SCLT1: variants seen among roughly 807,000 people sequenced by gnomAD.
The protein encoded by SCLT1 is sodium channel and clathrin linker 1, also known as sodium channel-associated protein 1.
In SCLT1, 78 loss-of-function variants were observed where a neutral mutation model predicts 112.8. The observed-to-expected ratio is 0.69, with a 90% CI of 0.58 to 0.83. The LOEUF (loss-of-function observed/expected upper bound fraction) is 0.83, where lower values mean the gene tolerates loss of function less well. SCLT1 is among the 40% of genes least tolerant of loss of function. The pLI is 0.00. For synonymous variants in SCLT1, 257 were observed against 254.7 expected (o/e 1.01, Z -0.09); for missense variants, 747 against 770.4 (o/e 0.97, Z 0.36).
chr4:129,081,016 G>A lies in SCLT1; in HGVS notation c.102+1290C>T, dbSNP rs183501054. On this transcript the variant is annotated intron_variant, in intron 2 of 20. Transcript: ENST00000281142. ...TGCCCCGAGAGCATAACAGCTCAGCGGCATTCCACAGGTTGCCCAGGGAGA... is the reference window on the plus strand; with the variant it reads ...TGCCCCGAGAGCATAACAGCTCAGCAGCATTCCACAGGTTGCCCAGGGAGA... 2.1e-3 allele frequency among the ~76,000 whole-genome samples: 319 copies of A among 152,148 alleles called. 1 individual carries two copies. The highest frequency in any genetic ancestry group is 7.0e-3 in the African/African-American group (292 of 41,500).
chr4:129,031,545 T>C (rs909725915), intron 5 of SCLT1, among the ~76,000 whole-genome samples: 1 of 152,134 alleles, frequency 6.6e-6, no homozygotes, highest in African/African-American at 2.4e-5. Flanking sequence ...TGCAACATGA[T>C]TGTATATTTA....
chr4:129,002,144 A>G (rs1473871624), intron 6 of SCLT1, among the ~76,000 whole-genome samples: 1 of 152,048 alleles, frequency 6.6e-6, no homozygotes, highest in Admixed American at 6.6e-5. Flanking sequence ...TCAGATAATT[A>G]TCAAATCAAA....
Position 128,917,763 on chromosome 4 carries a change from T to C in SCLT1, c.1829+18892A>G, listed in dbSNP as rs148231933. 1.7e-3 allele frequency among the ~76,000 whole-genome samples: 262 copies of C among 152,276 alleles called. 1 individual carries two copies. The highest frequency in any genetic ancestry group is 5.9e-3 in the African/African-American group (247 of 41,550). ...CTTATAATGAGAAAAGCTAACAGAA[T>C]CTTGGAGCACCAATACTTCCTCTTT... is the stretch of plus-strand genomic sequence containing the variant. On this transcript the variant is annotated intron_variant, in intron 18 of 20. Coordinates refer to ENST00000281142, the MANE Select transcript of SCLT1 (RefSeq NM_144643.4).
intron 11 of SCLT1, among the ~76,000 whole-genome samples, chr4:128,962,288 G>C (rs1290901755): frequency 1.3e-5 from 2 of 152,170 alleles, no homozygotes; most frequent in Non-Finnish European, 2.9e-5. Context: ...CTTACATTAA[G>C]AGGGTTTTTT....
At chr4:129,067,421 AAAT>A (rs1750589645) in intron 2 of SCLT1, among the ~76,000 whole-genome samples, 1 of 151,920 alleles carries the variant, frequency 6.6e-6, no homozygotes, top group Non-Finnish European at 1.5e-5. Context: ...TTGGTGAACA[AAAT>A]AATAAATGCA....
chr4:129,057,285 A>C (rs1749489663), intron 2 of SCLT1, among the ~76,000 whole-genome samples: 1 of 152,098 alleles, frequency 6.6e-6, no homozygotes, highest in Admixed American at 6.6e-5. Context: ...ATTAACCTAT[A>C]ATTTCCTTTT....
At chr4:129,029,000 T>C (rs1315741812) in intron 5 of SCLT1, among the ~76,000 whole-genome samples, 1 of 152,156 alleles carries the variant, frequency 6.6e-6, no homozygotes, top group African/African-American at 2.4e-5. Flanking sequence ...CCAGTTAGAA[T>C]GGCAATCATT....
At chr4:128,935,284 C>A (rs989879477) in intron 18 of SCLT1, among the ~76,000 whole-genome samples, 1 of 151,950 alleles carries the variant, frequency 6.6e-6, no homozygotes. Flanking sequence ...CTAACTCTTT[C>A]ATTTTAAATA....
Position 128,927,527 on chromosome 4 carries a change from A to G in SCLT1, c.1829+9128T>C, listed in dbSNP as rs1168620048. Among the ~76,000 whole-genome samples the G allele has an allele frequency of 3.9e-5, 6 of 152,036 alleles. No individual in the cohort carries two copies. The East Asian group carries it at 1.2e-3, about 29-fold the overall frequency. On this transcript the variant is annotated intron_variant, in intron 18 of 20. Transcript: ENST00000281142. ...GAGGTGGAGGTTGCAGTGAGCCGAG[A>G]TTGTGCCACTGCATATCAGCCTGTG... is the stretch of plus-strand genomic sequence containing the variant.
intron 11 of SCLT1, among the ~76,000 whole-genome samples, chr4:128,963,472 A>G (rs934337090): frequency 3.3e-5 from 5 of 152,174 alleles, no homozygotes; most frequent in African/African-American, 1.2e-4. Flanking sequence ...TGAAAACATG[A>G]TGCTTCACCT....
intron 2 of SCLT1, among the ~76,000 whole-genome samples, chr4:129,050,410 C>G (rs779359393): frequency 6.6e-6 from 1 of 152,160 alleles, no homozygotes; most frequent in South Asian, 2.1e-4. Flanking sequence ...TGTTTCTTGA[C>G]TTTTTAATGA....
intron 2 of SCLT1, among the ~76,000 whole-genome samples, chr4:129,065,043 C>T (rs1750355810): frequency 6.6e-6 from 1 of 151,828 alleles, no homozygotes; most frequent in Non-Finnish European, 1.5e-5. Flanking sequence ...TTTGCTTATT[C>T]TTGCTTATTC....
At chr4:128,914,491 T>G (rs1351875843) in intron 18 of SCLT1, among the ~76,000 whole-genome samples, 2 of 152,138 alleles carry the variant, frequency 1.3e-5, no homozygotes, top group African/African-American at 4.8e-5. Flanking sequence ...AGATTGGACA[T>G]ACATGTGAAA....
intron 18 of SCLT1, among the ~76,000 whole-genome samples, chr4:128,900,419 A>C (rs1429542657): frequency 6.6e-6 from 1 of 152,138 alleles, no homozygotes; most frequent in Non-Finnish European, 1.5e-5. Flanking sequence ...AAAAACAAGC[A>C]ATGGGGAAAG....
At chr4:129,047,258 C>A (rs1396106296) in intron 2 of SCLT1, among the ~76,000 whole-genome samples, 1 of 152,022 alleles carries the variant, frequency 6.6e-6, no homozygotes, top group Non-Finnish European at 1.5e-5. Context: ...TTTAGATATG[C>A]AATCAATGCA....
chr4:129,016,762 C>T (rs3099901), intron 5 of SCLT1, among the ~76,000 whole-genome samples: 4,636 of 152,156 alleles, frequency 0.03, 128 homozygotes, highest in Non-Finnish European at 0.044. Context: ...CCCCAAATGC[C>T]GGCTTATATC....
chr4:128,964,091 A>G (rs914976393), intron 11 of SCLT1, among the ~76,000 whole-genome samples: 1 of 152,198 alleles, frequency 6.6e-6, no homozygotes, highest in African/African-American at 2.4e-5. Context: ...TGTACAAAGA[A>G]AAAAGATTTT....
At chr4:128,925,872 T>C (rs1022089070) in intron 18 of SCLT1, among the ~76,000 whole-genome samples, 5 of 152,048 alleles carry the variant, frequency 3.3e-5, no homozygotes, top group Non-Finnish European at 5.9e-5. Context: ...TAAAATTCTC[T>C]AATATTTTTC....
chr4:128,974,011 A>G (rs773634208), intron 9 of SCLT1, among the ~76,000 whole-genome samples: 13 of 152,216 alleles, frequency 8.5e-5, no homozygotes, highest in Non-Finnish European at 1.3e-4. Flanking sequence ...AACTGGGCCA[A>G]TCACTTAACC....
Sources: allele counts gnomAD v4.1 joint callset (sites outside exome capture counted in the v4.1 genomes callset), GRCh38; gene constraint gnomAD v4.1.1; transcripts MANE v1.5; gene names NCBI Gene and HGNC (gene_info 2026-07-23, HGNC 2026-07-21).